The following TP63 variants were observed in gnomAD, a reference collection of about 807,000 sequenced individuals.
TP63 encodes tumor protein 63.
In TP63, 17 loss-of-function variants were observed where a neutral mutation model predicts 82.8. That is an observed-to-expected ratio of 0.21 (90% CI 0.14 to 0.31). The LOEUF (loss-of-function observed/expected upper bound fraction) is 0.31. TP63 is among the 10% of genes least tolerant of loss of function. The pLI is 1.00. For synonymous variants in TP63, 330 were observed against 321.7 expected, an observed-to-expected ratio of 1.03 and a Z score of -0.28; for missense variants, 648 against 895.3, an observed-to-expected ratio of 0.72 and a Z score of 3.52.
chr3:189,800,247 T>C (rs1726142443), intron 3 of TP63, among the ~76,000 whole-genome samples: 1 of 152,020 alleles, frequency 6.6e-6, no homozygotes, highest in East Asian at 1.9e-4. Flanking sequence ...AAAGTTCTAT[T>C]TGGCCAGAGC....
chr3:189,840,359 C>CTTTTTTTTTTTTTTTTTT, intron 4 of TP63, among the ~76,000 whole-genome samples: 1 of 44,442 alleles, frequency 2.3e-5, no homozygotes, highest in Non-Finnish European at 3.9e-5. Context: ...TGCTTTTCGT[C>CTTTTTTTTTTTTTTTTTT]TTTTTTTTTT....
rs545712578 is a variant in TP63 at position 189,801,856 on chromosome 3, A to T, written c.325-6416A>T. 2.0e-5 allele frequency among the ~76,000 whole-genome samples: 3 copies of T among 152,312 alleles called. No individual in the cohort carries two copies. In the South Asian group the frequency reaches 6.2e-4, roughly 32 times the overall value. On this transcript the variant is annotated intron_variant, in intron 3 of 13. Coordinates refer to ENST00000264731, the MANE Select transcript of TP63 (RefSeq NM_003722.5). ...TTTATTCTTATATTTTGTTCTTTGT[A>T]TGAGTATATATTAAGTATTCACTTT... is the stretch of plus-strand genomic sequence containing the variant.
In TP63 at chr3:189,750,063, G is replaced by A. The variant is rs554057928; in HGVS notation, c.324+11289G>A. Among the ~76,000 whole-genome samples, 387 of 149,842 alleles carry A rather than the reference G, an allele frequency of 2.6e-3. 4 individuals carry two copies. The highest frequency in any genetic ancestry group is 9.0e-3 in the African/African-American group (365 of 40,602). On this transcript the variant is annotated intron_variant, in intron 3 of 13. Transcript: ENST00000264731. ...CGCTTGAGCCTGGGAGGTGGAGCTT[G>A]CAGTGAGCTGAGATCCCACCACTGC... is the stretch of plus-strand genomic sequence containing the variant.
intron 3 of TP63, among the ~76,000 whole-genome samples, chr3:189,791,176 A>C (rs1362140533): frequency 6.6e-6 from 1 of 152,136 alleles, no homozygotes; most frequent in Non-Finnish European, 1.5e-5. Flanking sequence ...AATCATTCAG[A>C]AAATGATCTG....
chr3:189,620,596 A>G, the TP63 span, among the ~76,000 whole-genome samples: 3 of 152,030 alleles, frequency 2.0e-5, no homozygotes, highest in Non-Finnish European at 4.4e-5. Flanking sequence ...TTTCAGATTG[A>G]AAGCCATTTC....
intron 3 of TP63, among the ~76,000 whole-genome samples, chr3:189,756,005 G>A (rs1009598556): frequency 9.9e-5 from 15 of 152,196 alleles, no homozygotes; most frequent in African/African-American, 3.6e-4. Context: ...GACCTAGCTG[G>A]GATGGAAATA....
chr3:189,885,686 A>G (rs946156120), intron 10 of TP63, among the ~76,000 whole-genome samples: 10 of 152,190 alleles, frequency 6.6e-5, no homozygotes, highest in Non-Finnish European at 1.3e-4. Context: ...ATGGAAAACT[A>G]TTGGGTTTTT....
In TP63 at chr3:189,737,009, GA is replaced by G. The variant is rs561130679; in HGVS notation, c.63-725del. Reference sequence around the variant, plus strand: ...CCAAATATATAGGAATAAATGTTTGGAAAAAATAAGTAAAGCAAACTTCAGG... The same window carrying G: ...CCAAATATATAGGAATAAATGTTTGGAAAAATAAGTAAAGCAAACTTCAGG... On this transcript the variant is annotated intron_variant, in intron 1 of 13. Transcript: ENST00000264731. 1.3e-3 allele frequency among the ~76,000 whole-genome samples: 199 copies of G among 152,132 alleles called. 1 individual carries two copies. The highest frequency in any genetic ancestry group is 4.6e-3 in the African/African-American group (191 of 41,548).
intron 11 of TP63, among the ~76,000 whole-genome samples, chr3:189,889,106 A>G (rs530232706): frequency 6.6e-6 from 1 of 152,338 alleles, no homozygotes; most frequent in South Asian, 2.1e-4. Flanking sequence ...AGGGGAGGAA[A>G]GAGATTGTTC....
At chr3:189,709,968 C>T (rs1240686504) in intron 1 of TP63, among the ~76,000 whole-genome samples, 1 of 152,002 alleles carries the variant, frequency 6.6e-6, no homozygotes, top group Non-Finnish European at 1.5e-5. Context: ...TCAATAAATG[C>T]TTTGAGTTAT....
At chr3:189,629,258 C>G (rs1729383318), upstream of TP63, among the ~76,000 whole-genome samples, 1 of 151,980 alleles carries the variant, frequency 6.6e-6, no homozygotes, top group Non-Finnish European at 1.5e-5. Context: ...GTTGTGCTCA[C>G]CTGTAGTCCA....
intron 3 of TP63, among the ~76,000 whole-genome samples, chr3:189,774,591 A>G (rs1723636062): frequency 6.6e-6 from 1 of 152,180 alleles, no homozygotes; most frequent in Non-Finnish European, 1.5e-5. Flanking sequence ...CTATAATCTC[A>G]TATTTTTCCC....
chr3:189,894,107 A>C, intron 13 of TP63, 99 bp from the exon 14 acceptor site: 1 of 1,434,346 alleles, frequency 7.0e-7, no homozygotes, highest in Non-Finnish European at 9.7e-7. Flanking sequence ...GATTCAGATC[A>C]ATTAAACCAG....
chr3:189,632,258 G>C (rs530076938), intron 1 of TP63, among the ~76,000 whole-genome samples: 1 of 152,240 alleles, frequency 6.6e-6, no homozygotes, highest in East Asian at 1.9e-4. Flanking sequence ...AGATATTCAA[G>C]TCATATGTAG....
At chr3:189,658,716 G>A (rs762771629) in intron 1 of TP63, among the ~76,000 whole-genome samples, 46 of 152,140 alleles carry the variant, frequency 3.0e-4, no homozygotes, top group Middle Eastern at 3.4e-3. Context: ...TTGAAAAACT[G>A]TTGTAACTAA....
intron 4 of TP63, among the ~76,000 whole-genome samples, chr3:189,833,630 C>T (rs191596711): frequency 1.3e-5 from 2 of 151,828 alleles, no homozygotes; most frequent in Admixed American, 6.6e-5. Context: ...AGAAGCAGAT[C>T]ACACTGAAAG....
intron 1 of TP63, among the ~76,000 whole-genome samples, chr3:189,632,440 G>GC (rs1729520270): frequency 6.6e-6 from 1 of 152,074 alleles, no homozygotes; most frequent in Non-Finnish European, 1.5e-5. Flanking sequence ...CTCTGGGCAG[G>GC]ACTCACTTAC....
intron 4 of TP63, among the ~76,000 whole-genome samples, chr3:189,855,283 G>C (rs760279109): frequency 6.6e-6 from 1 of 152,118 alleles, no homozygotes; most frequent in African/African-American, 2.4e-5. Context: ...ATCACATTTA[G>C]AGACAGTGCC....
upstream of TP63, among the ~76,000 whole-genome samples, chr3:189,628,094 G>T (rs1298069477): frequency 6.6e-6 from 1 of 151,922 alleles, no homozygotes; most frequent in Non-Finnish European, 1.5e-5. Flanking sequence ...CAGGAGATGA[G>T]TCTATTCAAA....
Sources: allele counts gnomAD v4.1 joint callset (sites outside exome capture counted in the v4.1 genomes callset), GRCh38; gene constraint gnomAD v4.1.1; transcripts MANE v1.5; gene names NCBI Gene and HGNC (gene_info 2026-07-23, HGNC 2026-07-21).